Variants in PKP4 observed in about 807,000 individuals in gnomAD.
The protein encoded by PKP4 is plakophilin 4.
A neutral mutation model predicts 145.1 loss-of-function variants in PKP4; 90 were observed. That is an observed-to-expected ratio of 0.62 (90% CI 0.52 to 0.74). PKP4 has a LOEUF of 0.74. PKP4 is among the 30% of genes least tolerant of loss of function. PKP4 has a pLI of 0.00. For synonymous variants in PKP4, 563 were observed against 577.2 expected (o/e 0.98, Z 0.35); for missense variants, 1,340 against 1,482.7 (o/e 0.90, Z 1.58).
At chr2:158,485,490 C>G (rs1250638488) in intron 1 of PKP4, among the ~76,000 whole-genome samples, 1 of 152,082 alleles carries the variant, frequency 6.6e-6, no homozygotes, top group Non-Finnish European at 1.5e-5. Flanking sequence ...TCATATTTGT[C>G]GAATTATTTG....
intron 11 of PKP4, among the ~76,000 whole-genome samples, chr2:158,645,068 T>C (rs551542586): frequency 1.1e-4 from 17 of 152,220 alleles, no homozygotes; most frequent in Non-Finnish European, 1.8e-4. Context: ...AAGATATTAA[T>C]GTTCAAAATA....
chr2:158,555,644 G>A (rs994685991), intron 2 of PKP4, among the ~76,000 whole-genome samples: 7 of 152,210 alleles, frequency 4.6e-5, no homozygotes, highest in African/African-American at 1.7e-4. Flanking sequence ...AAGATGGATG[G>A]TAATAGTACT....
At chr2:158,654,268 T>C (rs2055691572) in intron 11 of PKP4, among the ~76,000 whole-genome samples, 1 of 152,238 alleles carries the variant, frequency 6.6e-6, no homozygotes, top group Non-Finnish European at 1.5e-5. Flanking sequence ...AGCTGCCTTT[T>C]GGTGGGTCCC....
In PKP4 at chr2:158,676,882, G is replaced by A. The variant is rs1210702616; in HGVS notation, c.3256+15G>A. On this transcript the variant is annotated intron_variant, in intron 20 of 21. Transcript: ENST00000389759. ...CCTGTACCCTGGTAAGACGCCAGTT[G>A]GGTGTGTGATACAGTCTCTTGAAAA... The A allele has an allele frequency of 6.2e-7, 1 of 1,614,006 alleles. No individual in the cohort carries two copies. The highest frequency in any genetic ancestry group is 8.5e-7 in the Non-Finnish European group (1 of 1,179,970).
chr2:158,664,043 AC>A (rs1341115668), intron 15 of PKP4, among the ~76,000 whole-genome samples: 2 of 152,218 alleles, frequency 1.3e-5, no homozygotes, highest in Non-Finnish European at 2.9e-5. Context: ...CTGAATCCTA[AC>A]CTACACACAG....
intron 2 of PKP4, among the ~76,000 whole-genome samples, chr2:158,552,102 C>A (rs909687052): frequency 3.3e-5 from 5 of 152,174 alleles, no homozygotes; most frequent in African/African-American, 1.2e-4. Flanking sequence ...AAGTATCTGT[C>A]TATGAGAGAG....
At chr2:158,647,631 TAA>T (rs759837325) in intron 11 of PKP4, among the ~76,000 whole-genome samples, 5 of 152,244 alleles carry the variant, frequency 3.3e-5, no homozygotes, top group Non-Finnish European at 7.3e-5. Context: ...CATTGTTAAT[TAA>T]AATGGTTCTC....
chr2:158,505,178 T>C (rs1054410814), intron 1 of PKP4, among the ~76,000 whole-genome samples: 9 of 152,206 alleles, frequency 5.9e-5, no homozygotes, highest in Non-Finnish European at 1.5e-5. Context: ...ATAGGAAAGG[T>C]ACTTTGTTAG....
chr2:158,577,204 A>T, intron 2 of PKP4, 67 bp from the exon 3 acceptor site: 1 of 922,724 alleles, frequency 1.1e-6, no homozygotes, highest in Non-Finnish European at 1.7e-6. Context: ...GACATACATT[A>T]ATTCATATAT....
intron 3 of PKP4, among the ~76,000 whole-genome samples, chr2:158,592,066 T>C (rs1328168566): frequency 2.6e-5 from 4 of 152,132 alleles, no homozygotes; most frequent in Admixed American, 6.5e-5. Context: ...TTATCAAGAA[T>C]GCTGTTTTAA....
chr2:158,561,941 C>G (rs555933186), intron 2 of PKP4, among the ~76,000 whole-genome samples: 2 of 150,298 alleles, frequency 1.3e-5, no homozygotes, highest in African/African-American at 4.9e-5. Flanking sequence ...CCCCCACCCC[C>G]CGACAGGCCC....
intron 1 of PKP4, chr2:158,458,286 C>G (rs1057514392): frequency 2.0e-5 from 3 of 152,794 alleles, no homozygotes; most frequent in Admixed American, 6.5e-5. Flanking sequence ...AGCCAGAGGT[C>G]ACCGGAGCAT....
rs550794507 is a variant in PKP4 at position 158,666,448 on chromosome 2, A to C, written c.2613A>C (p.Glu871Asp). 3.1e-6 allele frequency: 5 copies of C among 1,608,516 alleles called. No individual in the cohort carries two copies. The highest frequency in any genetic ancestry group is 1.1e-5 in the South Asian group (1 of 89,354). The change falls in exon 16 of 22, where the codon GAA becomes GAC. Residue 871 changes from glutamate to aspartate, a missense_variant. Physicochemically the swap from Glu to Asp is conservative, Grantham distance 45. Transcript: ENST00000389759. ...AAYIRAAVRK[E>D]KGLPILVELL... is the part of the protein sequence containing the mutation. ...ATATCCGGGCGGCCGTCCGAAAAGA[A>C]AAGGGGCTCCCCATCCTTGTGGAGC... is the stretch of plus-strand genomic sequence containing the variant.
intron 1 of PKP4, among the ~76,000 whole-genome samples, chr2:158,520,199 C>T (rs565044292): frequency 6.6e-6 from 1 of 152,256 alleles, no homozygotes; most frequent in East Asian, 1.9e-4. Context: ...CAGAGGAGCA[C>T]CACTCACATA....
intron 1 of PKP4, among the ~76,000 whole-genome samples, chr2:158,469,045 C>T (rs1691139181): frequency 6.6e-6 from 1 of 151,728 alleles, no homozygotes; most frequent in Non-Finnish European, 1.5e-5. Context: ...TCCCAAAGTG[C>T]TGGGATTACA....
chr2:158,511,555 C>T (rs2041523007), intron 1 of PKP4, among the ~76,000 whole-genome samples: 1 of 152,064 alleles, frequency 6.6e-6, no homozygotes, highest in Non-Finnish European at 1.5e-5. Flanking sequence ...TTTTCTTTAA[C>T]TTTGAAAAAT....
At chr2:158,650,270 A>T (rs1272665143) in intron 11 of PKP4, among the ~76,000 whole-genome samples, 1 of 152,230 alleles carries the variant, frequency 6.6e-6, no homozygotes, top group Non-Finnish European at 1.5e-5. Context: ...CTGAATTGTA[A>T]GCTTATTTAT....
intron 2 of PKP4, among the ~76,000 whole-genome samples, chr2:158,568,825 T>G (rs1264236440): frequency 6.6e-6 from 1 of 152,084 alleles, no homozygotes; most frequent in Non-Finnish European, 1.5e-5. Context: ...AATAAAAAAT[T>G]AGCCAGGCTT....
chr2:158,680,460 C>G lies in PKP4; in HGVS notation c.3362C>G (p.Ser1121Cys), dbSNP rs557821246. 432 of 1,612,724 alleles carry G rather than the reference C, an allele frequency of 2.7e-4. 9 individuals carry two copies. The South Asian group carries it at 4.5e-3, about 17-fold the overall frequency. The change falls in exon 22 of 22, where the codon TCC becomes TGC. Residue 1121 changes from serine (S) to cysteine (C), a missense_variant. By Grantham distance (112) the Ser-to-Cys change is moderately radical (BLOSUM62 -1). Transcript: ENST00000389759. ...HQQLYYSQDDSNRKNFDAYRL... is the reference protein window; with the variant it reads ...HQQLYYSQDDCNRKNFDAYRL... ...CAGCTGTATTATAGTCAAGATGACT[C>G]CAACAGAAAGAACTTTGATGCATAC...
Sources: allele counts gnomAD v4.1 joint callset (sites outside exome capture counted in the v4.1 genomes callset), GRCh38; gene constraint gnomAD v4.1.1; transcripts MANE v1.5; gene names NCBI Gene and HGNC (gene_info 2026-07-23, HGNC 2026-07-21).